NEBL: variants seen among roughly 807,000 people sequenced by gnomAD.
NEBL encodes nebulette.
A neutral mutation model predicts 140.2 loss-of-function variants in NEBL; 122 were observed. The observed-to-expected ratio is 0.87, with a 90% CI of 0.75 to 1.01. The LOEUF is 1.01. Among genes scored for constraint, NEBL ranks in the 50% least tolerant of loss-of-function variants. The pLI is 0.00. For synonymous variants in NEBL, 436 were observed against 398.9 expected, an observed-to-expected ratio of 1.09 and a Z score of -1.11; for missense variants, 1,365 against 1,231.3, an observed-to-expected ratio of 1.11 and a Z score of -1.62.
In NEBL at chr10:20,853,135, G is replaced by A. The variant is rs572547730; in HGVS notation, c.904-486C>T. 3.3e-5 allele frequency among the ~76,000 whole-genome samples: 5 copies of A among 152,278 alleles called. No individual in the cohort carries two copies. The South Asian group carries it at 1.0e-3, about 32-fold the overall frequency. On this transcript the variant is annotated intron_variant, in intron 9 of 27. Transcript: ENST00000377122. Reference sequence around the variant, plus strand: ...TACAAAAAGACTCCACCACAAAGAAGATTGAGAGGCACAAGGAAAATGTAA... The same window carrying A: ...TACAAAAAGACTCCACCACAAAGAAAATTGAGAGGCACAAGGAAAATGTAA...
At chr10:21,073,481 G>T (rs544290679) in intron 2 of NEBL, among the ~76,000 whole-genome samples, 2 of 151,936 alleles carry the variant, frequency 1.3e-5, no homozygotes, top group African/African-American at 4.8e-5. Context: ...GGCAGGCTTG[G>T]TGGCACGCAC....
chr10:20,793,805 C>G (rs1836237467), intron 26 of NEBL, among the ~76,000 whole-genome samples: 1 of 152,196 alleles, frequency 6.6e-6, no homozygotes, highest in Admixed American at 6.5e-5. Flanking sequence ...ATCCATCCAC[C>G]TTGGCCTCCC....
intron 2 of NEBL, among the ~76,000 whole-genome samples, chr10:21,027,851 A>G (rs973121771): frequency 3.3e-5 from 5 of 152,166 alleles, no homozygotes; most frequent in African/African-American, 1.2e-4. Flanking sequence ...TGTAATTTTA[A>G]TTATTCCTCC....
intron 2 of NEBL, among the ~76,000 whole-genome samples, chr10:21,158,499 T>C (rs1332675252): frequency 6.6e-6 from 1 of 152,158 alleles, no homozygotes; most frequent in Non-Finnish European, 1.5e-5. Flanking sequence ...AACATCACCA[T>C]TTTGTAGGTG....
At chr10:21,123,783 T>G (rs1838688631) in intron 2 of NEBL, among the ~76,000 whole-genome samples, 1 of 150,582 alleles carries the variant, frequency 6.6e-6, no homozygotes, top group South Asian at 2.1e-4. Context: ...ACATATATAA[T>G]TTTATATATT....
chr10:21,227,699 TTCTTCTTCTTCTTTC>T (rs1369170503), intron 3 of NEBL, among the ~76,000 whole-genome samples: 132 of 80,638 alleles, frequency 1.6e-3, no homozygotes, highest in African/African-American at 5.0e-3. Context: ...CTTCTTCTTC[TTCTTCTTCTTCTTTC>T]TTCTTCTTCT....
chr10:21,174,236 C>A (rs940363485), upstream of NEBL: 1 of 172,434 alleles, frequency 5.8e-6, no homozygotes, highest in Non-Finnish European at 1.2e-5. Context: ...ACGTGCACGT[C>A]GGGCACCCTG....
At chr10:20,901,812 T>C (rs374075372), upstream of NEBL, among the ~76,000 whole-genome samples, 10 of 152,322 alleles carry the variant, frequency 6.6e-5, no homozygotes, top group African/African-American at 2.2e-4. Context: ...AGTCATTCCA[T>C]CTTTGCCTCA....
At chr10:21,024,002 A>G (rs771059518) in intron 2 of NEBL, among the ~76,000 whole-genome samples, 1 of 152,118 alleles carries the variant, frequency 6.6e-6, no homozygotes, top group African/African-American at 2.4e-5. Flanking sequence ...GCATATAAAT[A>G]AAACACTACT....
At chr10:21,257,916 AAC>A (rs10660140) in intron 1 of NEBL, among the ~76,000 whole-genome samples, 2 of 150,598 alleles carry the variant, frequency 1.3e-5, no homozygotes, top group Non-Finnish European at 3.0e-5. Context: ...AAAACATCAA[AAC>A]ACACACACAC....
intron 1 of NEBL, among the ~76,000 whole-genome samples, chr10:21,289,928 A>G (rs932639666): frequency 6.6e-6 from 1 of 152,196 alleles, no homozygotes; most frequent in African/African-American, 2.4e-5. Flanking sequence ...AACAGAAACT[A>G]CAAGGCCCAA....
chr10:20,887,555 A>G (rs1233571690), intron 4 of NEBL, among the ~76,000 whole-genome samples: 1 of 151,010 alleles, frequency 6.6e-6, no homozygotes, highest in African/African-American at 2.4e-5. Context: ...AGTAGCTGGC[A>G]CCACAGGTGC....
At chr10:20,875,360 A>G (rs1244582404) in intron 5 of NEBL, among the ~76,000 whole-genome samples, 1 of 152,114 alleles carries the variant, frequency 6.6e-6, no homozygotes, top group Non-Finnish European at 1.5e-5. Context: ...GGGCTACATC[A>G]ACACTCCCTT....
intron 2 of NEBL, among the ~76,000 whole-genome samples, chr10:21,135,510 T>C (rs1839315647): frequency 6.6e-6 from 1 of 151,826 alleles, no homozygotes; most frequent in Non-Finnish European, 1.5e-5. Flanking sequence ...GAGTTACTTC[T>C]CAGGCCAGGT....
At chr10:21,041,052 C>T (rs757203482) in intron 2 of NEBL, among the ~76,000 whole-genome samples, 5 of 152,142 alleles carry the variant, frequency 3.3e-5, no homozygotes, top group Non-Finnish European at 5.9e-5. Context: ...AAAGAACTAA[C>T]ACACTTTCCA....
chr10:21,135,721 T>C (rs1328732109), intron 2 of NEBL, among the ~76,000 whole-genome samples: 1 of 152,174 alleles, frequency 6.6e-6, no homozygotes, highest in Non-Finnish European at 1.5e-5. Context: ...CTACACCACA[T>C]GGGCTTCTGT....
intron 2 of NEBL, among the ~76,000 whole-genome samples, chr10:21,040,795 T>C (rs557100394): frequency 5.9e-5 from 9 of 152,298 alleles, no homozygotes; most frequent in Admixed American, 2.6e-4. Flanking sequence ...ATTTCTCCCT[T>C]GCTTTTCTTG....
intron 2 of NEBL, among the ~76,000 whole-genome samples, chr10:21,092,435 T>C (rs1836964212): frequency 6.6e-6 from 1 of 152,184 alleles, no homozygotes; most frequent in East Asian, 1.9e-4. Context: ...CAGTAAATTA[T>C]GTGATGATTT....
At chr10:20,970,960 T>C (rs1314692261) in intron 3 of NEBL, among the ~76,000 whole-genome samples, 1 of 152,208 alleles carries the variant, frequency 6.6e-6, no homozygotes, top group Non-Finnish European at 1.5e-5. Flanking sequence ...GTGGAACCAA[T>C]TGAATATTTC....
Sources: allele counts gnomAD v4.1 joint callset (sites outside exome capture counted in the v4.1 genomes callset), GRCh38; gene constraint gnomAD v4.1.1; transcripts MANE v1.5; gene names NCBI Gene and HGNC (gene_info 2026-07-23, HGNC 2026-07-21).